Variants in FGF2 observed in about 807,000 individuals in gnomAD.
The protein encoded by FGF2 is basic fibroblast growth factor bFGF.
In FGF2, 13 loss-of-function variants were observed where a neutral mutation model predicts 15.9. The observed-to-expected ratio is 0.82, with a 90% CI of 0.53 to 1.30. The LOEUF is 1.30. Ranked by LOEUF, FGF2 falls within the 50% of genes most tolerant of loss-of-function variation. The pLI is 0.00. For missense variants in FGF2, 163 were observed against 196.9 expected, an observed-to-expected ratio of 0.83 and a Z score of 1.03; for synonymous variants, 90 against 78.4, an observed-to-expected ratio of 1.15 and a Z score of -0.78.
rs771501454 is a variant in FGF2 at position 122,876,395 on chromosome 4, A to G, written c.253A>G (p.Met85Val). 1.2e-6 allele frequency: 2 copies of G among 1,611,520 alleles called. No homozygotes were observed. The highest frequency in any genetic ancestry group is 1.1e-5 in the South Asian group (1 of 91,024). The change falls in exon 2 of 3, where the codon ATG becomes GTG. Residue 85 changes from methionine (M) to valine (V), a missense_variant. By Grantham distance (21) the Met-to-Val change is conservative. Transcript: ENST00000644866. ...AGTGTGTGCTAACCGTTACCTGGCTATGAAGGAAGATGGAAGATTACTGGC... is the reference window on the plus strand; with the variant it reads ...AGTGTGTGCTAACCGTTACCTGGCTGTGAAGGAAGATGGAAGATTACTGGC... ...KGVCANRYLAMKEDGRLLASK... is the reference protein window; with the variant it reads ...KGVCANRYLAVKEDGRLLASK...
Position 122,826,980 on chromosome 4 carries a change from C to A in FGF2, c.-195C>A, listed in dbSNP as rs1725647899. 7.7e-7 allele frequency: 1 copy of A among 1,297,918 alleles called. No individual in the cohort carries two copies. Among genetic ancestry groups the A allele is most frequent in the South Asian group, 2.3e-5 (1 of 43,366 alleles). The allele number at this position is 1,297,918 out of a possible 1,614,324, so 80.4% of individuals were successfully genotyped here. On this transcript the variant is annotated 5_prime_UTR_variant, in exon 1 of 3. Transcript: ENST00000644866. ...CGGCTCGCCGCGCACCAGGGGCCGG[C>A]GGACAGAAGAGCGGCCGAGCGGCTC...
rs550061048 is a variant in FGF2 at position 122,874,512 on chromosome 4, A to T, written c.179-1809A>T. 3.3e-5 allele frequency among the ~76,000 whole-genome samples: 5 copies of T among 152,268 alleles called. No homozygotes were observed. The South Asian group carries it at 6.2e-4, about 19-fold the overall frequency. ...AAAATTCTAAGATTGTCTTTTTTTT[A>T]AATTGTAAATTCTTAAACATTCATA... On this transcript the variant is annotated intron_variant, in intron 1 of 2. Coordinates refer to ENST00000644866, the MANE Select transcript of FGF2 (RefSeq NM_001361665.2).
chr4:122,897,621 C>A lies in FGF2; in HGVS notation c.*5225C>A, dbSNP rs561457664. The stretch of plus-strand genomic sequence containing the variant: ...GCCAATTAAAAATATAAAAGATACA[C>A]ACCAATATCTTCTTCAGGCTCTGAC... On this transcript the variant is annotated 3_prime_UTR_variant, in exon 3 of 3. Transcript: ENST00000644866. 1.1e-5 allele frequency: 18 copies of A among 1,590,078 alleles called. No individual in the cohort carries two copies. In the South Asian group the frequency reaches 2.0e-4, roughly 18 times the overall value.
intron 1 of FGF2, among the ~76,000 whole-genome samples, chr4:122,831,229 C>T (rs969408378): frequency 6.6e-6 from 1 of 152,170 alleles, no homozygotes; most frequent in African/African-American, 2.4e-5. Flanking sequence ...CCTTCTCTTC[C>T]TGCCATCCCT....
chr4:122,843,617 C>T lies in FGF2; in HGVS notation c.178+16265C>T, dbSNP rs1408997473. ...ATCTCTCTCAGACTATTTTCCTGAA[C>T]ATAGTAAGTGATGTATGGACATATC... is the stretch of plus-strand genomic sequence containing the variant. On this transcript the variant is annotated intron_variant, in intron 1 of 2. Transcript: ENST00000644866. 2.6e-5 allele frequency among the ~76,000 whole-genome samples: 4 copies of T among 152,038 alleles called. No individual in the cohort carries two copies. The East Asian group carries it at 5.8e-4, about 22-fold the overall frequency.
At chr4:122,873,743 T>C (rs532148583) in intron 1 of FGF2, among the ~76,000 whole-genome samples, 2 of 152,350 alleles carry the variant, frequency 1.3e-5, no homozygotes, top group East Asian at 1.9e-4. Context: ...ATAGTTTTTA[T>C]AGAAAATCTA....
chr4:122,897,440 T>A lies in FGF2; in HGVS notation c.*5044T>A. The A allele has an allele frequency of 1.6e-6, 1 of 612,768 alleles. No individual in the cohort carries two copies. Among genetic ancestry groups the A allele is most frequent in the Non-Finnish European group, 2.9e-6 (1 of 341,198 alleles). 38.0% of individuals were successfully genotyped at this position (612,768 alleles called of 1,614,324 possible). On this transcript the variant is annotated 3_prime_UTR_variant, in exon 3 of 3. Coordinates refer to ENST00000644866, the MANE Select transcript of FGF2 (RefSeq NM_001361665.2). ...AATGATATTATTTCTACTAATGGAA[T>A]AAACTGTAATATTAGAAATTATGCT...
intron 2 of FGF2, among the ~76,000 whole-genome samples, chr4:122,891,217 T>G (rs1727178165): frequency 1.3e-5 from 2 of 151,402 alleles, no homozygotes; most frequent in Non-Finnish European, 2.9e-5. Context: ...ATTTTTTGTA[T>G]TTTTAGTAGA....
At chr4:122,856,001 A>G (rs1726332999) in intron 1 of FGF2, among the ~76,000 whole-genome samples, 1 of 152,232 alleles carries the variant, frequency 6.6e-6, no homozygotes, top group African/African-American at 2.4e-5. Flanking sequence ...TTGAGAGCTC[A>G]TGGTGGCAGG....
chr4:122,856,527 C>T (rs1726344750), intron 1 of FGF2, among the ~76,000 whole-genome samples: 1 of 152,154 alleles, frequency 6.6e-6, no homozygotes, highest in African/African-American at 2.4e-5. Context: ...TAGCTTCTTT[C>T]TCTCAAGTAA....
intron 1 of FGF2, among the ~76,000 whole-genome samples, chr4:122,834,664 A>G (rs537722920): frequency 6.6e-6 from 1 of 152,356 alleles, no homozygotes; most frequent in South Asian, 2.1e-4. Context: ...TGACACTGCC[A>G]GAGATATGAC....
chr4:122,854,647 A>G (rs115570039), intron 1 of FGF2, among the ~76,000 whole-genome samples: 69 of 152,266 alleles, frequency 4.5e-4, no homozygotes, highest in African/African-American at 1.6e-3. Flanking sequence ...TCCACCCAGC[A>G]TATGTCATGC....
At chr4:122,872,923 C>T (rs754689276) in intron 1 of FGF2, among the ~76,000 whole-genome samples, 4 of 152,176 alleles carry the variant, frequency 2.6e-5, no homozygotes, top group Non-Finnish European at 5.9e-5. Context: ...GCAAAAAACA[C>T]ACCAAAATAT....
At chr4:122,842,318 G>A (rs1689413567) in intron 1 of FGF2, among the ~76,000 whole-genome samples, 1 of 152,194 alleles carries the variant, frequency 6.6e-6, no homozygotes, top group South Asian at 2.1e-4. Flanking sequence ...CAAAATGCTA[G>A]GTTGTTTTTC....
chr4:122,861,619 A>T (rs1168392301), intron 1 of FGF2, among the ~76,000 whole-genome samples: 1 of 149,408 alleles, frequency 6.7e-6, no homozygotes, highest in African/African-American at 2.4e-5. Context: ...GCTTCCTTGG[A>T]TTCTGTCCTT....
chr4:122,829,340 A>G (rs914646053), intron 1 of FGF2, among the ~76,000 whole-genome samples: 6 of 152,136 alleles, frequency 3.9e-5, no homozygotes, highest in Non-Finnish European at 8.8e-5. Flanking sequence ...GTAACCTGGA[A>G]GGGTGCTACT....
intron 1 of FGF2, among the ~76,000 whole-genome samples, chr4:122,873,732 G>C (rs1442293753): frequency 6.6e-6 from 1 of 152,146 alleles, no homozygotes; most frequent in East Asian, 1.9e-4. Flanking sequence ...TCTCAGCTCA[G>C]ATAGTTTTTA....
chr4:122,852,892 T>A (rs1243611224), intron 1 of FGF2, among the ~76,000 whole-genome samples: 1 of 152,242 alleles, frequency 6.6e-6, no homozygotes, highest in Non-Finnish European at 1.5e-5. Context: ...GCCTGATGCA[T>A]TTCTTTTCAA....
intron 1 of FGF2, among the ~76,000 whole-genome samples, chr4:122,874,369 C>T (rs1726797469): frequency 6.6e-6 from 1 of 152,220 alleles, no homozygotes; most frequent in South Asian, 2.1e-4. Flanking sequence ...TTCGTATTAT[C>T]TTTTAAGATT....
Sources: allele counts gnomAD v4.1 joint callset (sites outside exome capture counted in the v4.1 genomes callset), GRCh38; gene constraint gnomAD v4.1.1; transcripts MANE v1.5; gene names NCBI Gene and HGNC (gene_info 2026-07-23, HGNC 2026-07-21).